Variants in C5 observed in about 807,000 individuals in gnomAD.
The protein encoded by C5 is complement C5.
A neutral mutation model predicts 218.8 loss-of-function variants in C5; 140 were observed. The ratio of observed to expected loss-of-function variants is 0.64; its 90% CI spans 0.56 to 0.74. The LOEUF (loss-of-function observed/expected upper bound fraction) is 0.74. C5 is among the 30% of genes least tolerant of loss of function. The pLI is 0.00. For synonymous variants in C5, 614 were observed against 682.3 expected (o/e 0.90, Z 1.56); for missense variants, 1,700 against 1,969.6 (o/e 0.86, Z 2.59).
chr9:120,952,786 C>T lies in C5; in HGVS notation c.4984G>A (p.Ala1662Thr), dbSNP rs766370744. ...TCTTCGGCAAATTCATCTAAATTAG[C>T]TAAAAATGCTTGACACGATGAACAT... Reference protein sequence around the residue: ...TTCSSCQAFLANLDEFAEDIF... With the variant: ...TTCSSCQAFLTNLDEFAEDIF... The change falls in exon 41 of 41, where the codon GCT becomes ACT. Residue 1662 changes from alanine to threonine, a missense_variant. By Grantham distance (58) the Ala-to-Thr change is moderately conservative (BLOSUM62 0). Coordinates refer to ENST00000223642, the MANE Select transcript of C5 (RefSeq NM_001735.3). The T allele has an allele frequency of 4.3e-6, 7 of 1,613,864 alleles. No individual in the cohort carries two copies. The highest frequency in any genetic ancestry group is 1.7e-4 in the Middle Eastern group (1 of 5,980).
At chr9:121,068,122 A>C in the C5 span, among the ~76,000 whole-genome samples, 1 of 152,210 alleles carries the variant, frequency 6.6e-6, no homozygotes, top group East Asian at 1.9e-4. Context: ...AGATTGGAAG[A>C]ACTAGCAAGT....
chr9:120,977,040 T>C, intron 28 of C5, 135 bp from the exon 29 acceptor site: 2 of 740,286 alleles, frequency 2.7e-6, no homozygotes, highest in Middle Eastern at 3.6e-4. Context: ...TTCCTGAAGA[T>C]GACCAATGCA....
intron 29 of C5, among the ~76,000 whole-genome samples, chr9:120,975,849 GT>G (rs1345927321): frequency 6.6e-6 from 1 of 152,086 alleles, no homozygotes; most frequent in African/African-American, 2.4e-5. Flanking sequence ...CATTTAGCAG[GT>G]ACATAAATAT....
rs1394573476 is a variant in C5 at position 120,989,552 on chromosome 9, T to C, written c.3154+16A>G. On this transcript the variant is annotated intron_variant, in intron 24 of 40. Transcript: ENST00000223642. ...AGAATCACCCAATTTTTATGTGAAA[T>C]ACTTTTTTTTTTTACCTTCTTTTAA... 1 of 1,516,300 alleles carries C rather than the reference T, an allele frequency of 6.6e-7. No individual in the cohort carries two copies. The highest frequency in any genetic ancestry group is 1.4e-5 in the African/African-American group (1 of 72,050). The allele number at this position is 1,516,300 out of a possible 1,614,324, so 93.9% of individuals were successfully genotyped here.
At chr9:121,022,142 G>A (rs2047371536) in intron 10 of C5, among the ~76,000 whole-genome samples, 1 of 152,148 alleles carries the variant, frequency 6.6e-6, no homozygotes, top group Non-Finnish European at 1.5e-5. Flanking sequence ...GAGTAGGTGT[G>A]ATAAGGTCTT....
intron 38 of C5, 29 bp downstream of exon 38, chr9:120,960,219 A>G (rs2046816546): frequency 7.2e-7 from 1 of 1,389,070 alleles, no homozygotes; most frequent in African/African-American, 1.4e-5. Flanking sequence ...TTCATGTTTA[A>G]AGGAGCTATA....
At chr9:121,043,720 T>TTG (rs1023256404) in intron 2 of C5, among the ~76,000 whole-genome samples, 5 of 147,790 alleles carry the variant, frequency 3.4e-5, no homozygotes, top group Non-Finnish European at 6.0e-5. Context: ...TTTTTTTTTT[T>TTG]GTATTTTTAA....
the C5 span, among the ~76,000 whole-genome samples, chr9:121,073,223 C>T: frequency 6.6e-6 from 1 of 152,194 alleles, no homozygotes; most frequent in Non-Finnish European, 1.5e-5. Flanking sequence ...TTTCCATACT[C>T]ATGTTTTGTT....
the C5 span, among the ~76,000 whole-genome samples, chr9:121,073,167 T>G: frequency 1.3e-5 from 2 of 152,252 alleles, no homozygotes. Flanking sequence ...CAGATTTAGC[T>G]TCTCCACCCC....
chr9:121,014,601 A>G (rs1375412291), intron 16 of C5, among the ~76,000 whole-genome samples: 1 of 152,196 alleles, frequency 6.6e-6, no homozygotes, highest in Non-Finnish European at 1.5e-5. Context: ...ATTAGAACTT[A>G]GAATAAAGGT....
chr9:121,070,078 C>T, the C5 span, among the ~76,000 whole-genome samples: 1,509 of 152,040 alleles, frequency 9.9e-3, 18 homozygotes, highest in South Asian at 0.036. Context: ...AAAATGTGGG[C>T]CAGACGTAGT....
intron 39 of C5, among the ~76,000 whole-genome samples, chr9:120,956,590 G>C (rs1482312902): frequency 1.3e-5 from 2 of 152,072 alleles, no homozygotes; most frequent in African/African-American, 4.8e-5. Flanking sequence ...GAAAGAACTT[G>C]AATAGCCAAA....
chr9:120,982,011 GT>G, intron 26 of C5, 72 bp from the exon 27 acceptor site: 1 of 1,025,016 alleles, frequency 9.8e-7, no homozygotes. Context: ...ATTCTACTCT[GT>G]TTTTTGTTTG....
intron 39 of C5, 142 bp downstream of exon 39, chr9:120,957,142 TC>T: frequency 1.6e-6 from 1 of 641,352 alleles, no homozygotes. Context: ...AAAATGTTTC[TC>T]CCCAAGTAGA....
At chr9:121,004,512 G>C (rs558395099) in intron 20 of C5, among the ~76,000 whole-genome samples, 1 of 152,238 alleles carries the variant, frequency 6.6e-6, no homozygotes, top group Non-Finnish European at 1.5e-5. Context: ...AGTTCCTCAT[G>C]CTTGTAATCC....
intron 12 of C5, among the ~76,000 whole-genome samples, chr9:121,018,806 A>G (rs1174129717): frequency 1.4e-5 from 2 of 143,646 alleles, no homozygotes; most frequent in African/African-American, 5.1e-5. Flanking sequence ...AGGAAGAAAG[A>G]GTGAGTTAAC....
In C5 at chr9:121,023,569, C is replaced by T. The variant is rs377574743; in HGVS notation, c.1001-50G>A. On this transcript the variant is annotated intron_variant, in intron 9 of 40. Transcript: ENST00000223642. ...TGACAGTTTTTAGGAGTATCATGATCTGTATGGATATCCATTTCATCTCTA... is the reference window on the plus strand; with the variant it reads ...TGACAGTTTTTAGGAGTATCATGATTTGTATGGATATCCATTTCATCTCTA... 7.1e-6 allele frequency: 7 copies of T among 982,840 alleles called. No individual in the cohort carries two copies. The African/African-American group carries it at 1.1e-4, about 16-fold the overall frequency. 60.9% of individuals were successfully genotyped at this position (982,840 alleles called of 1,614,324 possible). A position where few individuals can be genotyped will look rare whatever the true frequency, so the allele number is the denominator to read the frequency against.
chr9:121,003,970 G>A (rs551629936), intron 20 of C5, among the ~76,000 whole-genome samples: 82 of 152,164 alleles, frequency 5.4e-4, no homozygotes, highest in African/African-American at 1.8e-3. Context: ...CCGGGTTCAC[G>A]CCATTCTCCG....
chr9:120,998,601 G>C (rs2047136941), intron 20 of C5, among the ~76,000 whole-genome samples: 1 of 152,052 alleles, frequency 6.6e-6, no homozygotes, highest in African/African-American at 2.4e-5. Flanking sequence ...CTTCCCATTT[G>C]TACCCCATTT....
Sources: allele counts gnomAD v4.1 joint callset (sites outside exome capture counted in the v4.1 genomes callset), GRCh38; gene constraint gnomAD v4.1.1; transcripts MANE v1.5; gene names NCBI Gene and HGNC (gene_info 2026-07-23, HGNC 2026-07-21).